The following LRP2 variants were observed in gnomAD, a reference collection of about 807,000 sequenced individuals.
LRP2 encodes the protein LDL receptor related protein 2.
LRP2 carries 172 observed loss-of-function variants against 531.0 expected under a neutral mutation model. The ratio of observed to expected loss-of-function variants is 0.32; its 90% CI spans 0.29 to 0.37. LRP2 has a LOEUF of 0.37. Among genes scored for constraint, LRP2 ranks in the 10% least tolerant of loss-of-function variants. The probability of loss-of-function intolerance (pLI) is 1.00; values close to 1 mark genes in which losing one functional copy is unlikely to be tolerated. For synonymous variants in LRP2, 1,992 were observed against 2,027.6 expected (o/e 0.98, Z 0.47); for missense variants, 5,167 against 5,868.3 (o/e 0.88, Z 3.90).
intron 19 of LRP2, among the ~76,000 whole-genome samples, chr2:169,248,275 C>T (rs1257737473): frequency 6.6e-6 from 1 of 152,226 alleles, no homozygotes; most frequent in African/African-American, 2.4e-5. Flanking sequence ...AGAATTGCAT[C>T]AATGTGGATT....
At chr2:169,349,663 G>T (rs1685791709) in intron 1 of LRP2, among the ~76,000 whole-genome samples, 3 of 152,132 alleles carry the variant, frequency 2.0e-5, no homozygotes, top group Admixed American at 2.0e-4. Context: ...CCTGCCCAAG[G>T]TCGTGTCCTT....
At chr2:169,309,667 A>G (rs1394691881) in intron 3 of LRP2, among the ~76,000 whole-genome samples, 1 of 152,150 alleles carries the variant, frequency 6.6e-6, no homozygotes, top group East Asian at 1.9e-4. Flanking sequence ...TGATGCCTCC[A>G]GCTTTGTTCT....
chr2:169,307,416 A>T lies in LRP2; in HGVS notation c.311-19T>A. ...CTTTGTGCTGCGAAGAGAAAAAATT[A>T]TTACTTAATTTATAATTATTGCTAG... On this transcript the variant is annotated intron_variant, in intron 3 of 78. Transcript: ENST00000649046. 7.5e-7 allele frequency: 1 copy of T among 1,338,960 alleles called. No homozygotes were observed. The highest frequency in any genetic ancestry group is 1.1e-6 in the Non-Finnish European group (1 of 929,442). The allele number at this position is 1,338,960 out of a possible 1,614,324, so 82.9% of individuals were successfully genotyped here. A position where few individuals can be genotyped will look rare whatever the true frequency, so the allele number is the denominator to read the frequency against.
intron 22 of LRP2, among the ~76,000 whole-genome samples, chr2:169,244,155 G>T (rs1040044933): frequency 2.0e-5 from 3 of 152,168 alleles, no homozygotes; most frequent in Non-Finnish European, 4.4e-5. Flanking sequence ...CTAGAACTTA[G>T]CCCAGGGAAC....
intron 48 of LRP2, among the ~76,000 whole-genome samples, chr2:169,188,492 G>T (rs1330028122): frequency 6.6e-6 from 1 of 152,102 alleles, no homozygotes; most frequent in African/African-American, 2.4e-5. Context: ...TTCCTCAGGG[G>T]CTGGCTGCTA....
At chr2:169,265,870 A>G (rs1690778013) in intron 16 of LRP2, among the ~76,000 whole-genome samples, 1 of 152,056 alleles carries the variant, frequency 6.6e-6, no homozygotes, top group Non-Finnish European at 1.5e-5. Context: ...GCACCAGGCC[A>G]GAGAAAAACA....
rs760623978 is a variant in LRP2 at position 169,137,409 on chromosome 2, CT to C, written c.13602del (p.Val4535TrpfsTer7). On this transcript the variant is annotated frameshift_variant, in exon 76 of 79. Transcript: ENST00000649046. LOFTEE classifies it high-confidence loss of function. ...PMYSARDSAV[K>X]VVQPIQVTVS... Reference sequence around the variant, plus strand: ...TTTCTCACCTGGATTGGCTGAACCACTTTGACAGCACTGTCTCTGGCTGAGT... The same window carrying C: ...TTTCTCACCTGGATTGGCTGAACCACTTGACAGCACTGTCTCTGGCTGAGT... The C allele has an allele frequency of 1.2e-6, 2 of 1,613,640 alleles. No individual in the cohort carries two copies. Among genetic ancestry groups the C allele is most frequent in the Admixed American group, 3.3e-5 (2 of 60,022 alleles).
intron 63 of LRP2, 64 bp from the exon 64 acceptor site, chr2:169,157,566 C>G: frequency 1.3e-6 from 2 of 1,586,526 alleles, no homozygotes; most frequent in African/African-American, 2.7e-5. Flanking sequence ...AGTGGTGTAT[C>G]AAAAGAAGCA....
chr2:169,242,324 T>C (rs192422500), intron 24 of LRP2, among the ~76,000 whole-genome samples: 3 of 152,346 alleles, frequency 2.0e-5, no homozygotes, highest in Admixed American at 1.3e-4. Context: ...CTGTGAAGAT[T>C]ATAGATCCAT....
chr2:169,345,142 C>T (rs1037822611), intron 1 of LRP2, among the ~76,000 whole-genome samples: 1 of 152,180 alleles, frequency 6.6e-6, no homozygotes, highest in African/African-American at 2.4e-5. Flanking sequence ...ATCAACTAAT[C>T]ATTTCCCAGG....
chr2:169,340,971 G>A (rs1685546434), intron 1 of LRP2, among the ~76,000 whole-genome samples: 1 of 152,068 alleles, frequency 6.6e-6, no homozygotes, highest in Non-Finnish European at 1.5e-5. Flanking sequence ...AGCATCAGTG[G>A]TCCTGTTCTA....
At chr2:169,176,699 A>G (rs563283701) in intron 53 of LRP2, 111 bp from the exon 54 acceptor site, 2 of 931,274 alleles carry the variant, frequency 2.1e-6, no homozygotes, top group African/African-American at 3.2e-5. Context: ...GTAAAAAAAA[A>G]ACTATCCTAG....
chr2:169,139,739 T>G, intron 72 of LRP2, 129 bp from the exon 73 acceptor site: 2 of 822,230 alleles, frequency 2.4e-6, no homozygotes, highest in Non-Finnish European at 4.2e-6. Context: ...CAATGTATCC[T>G]GCATGACTTT....
At chr2:169,138,840 C>A (rs765268027) in intron 74 of LRP2, 134 bp from the exon 75 acceptor site, 14 of 1,020,768 alleles carry the variant, frequency 1.4e-5, no homozygotes, top group Non-Finnish European at 2.1e-5. Context: ...TCAATTCCCA[C>A]TCTAAATTTA....
At chr2:169,269,756 G>A (rs1683348646) in intron 16 of LRP2, among the ~76,000 whole-genome samples, 1 of 152,122 alleles carries the variant, frequency 6.6e-6, no homozygotes, top group Non-Finnish European at 1.5e-5. Flanking sequence ...TTGACAAATG[G>A]GATCTAATTA....
intron 48 of LRP2, among the ~76,000 whole-genome samples, chr2:169,188,642 C>A (rs769568784): frequency 6.6e-6 from 1 of 152,114 alleles, no homozygotes; most frequent in Non-Finnish European, 1.5e-5. Flanking sequence ...TTTTGGTATA[C>A]ATCAGATCTA....
chr2:169,172,400 C>T (rs528497466), intron 57 of LRP2, among the ~76,000 whole-genome samples: 109 of 152,238 alleles, frequency 7.2e-4, no homozygotes, highest in African/African-American at 2.4e-3. Context: ...GCAACAAAGG[C>T]CTGGTATGGG....
intron 14 of LRP2, among the ~76,000 whole-genome samples, chr2:169,274,410 T>A (rs1683499041): frequency 6.6e-6 from 1 of 151,924 alleles, no homozygotes; most frequent in Admixed American, 6.6e-5. Context: ...ATAGTGGAAA[T>A]CCCATCTCAG....
At chr2:169,187,259 T>A (rs1219777324) in intron 49 of LRP2, among the ~76,000 whole-genome samples, 7 of 152,194 alleles carry the variant, frequency 4.6e-5, no homozygotes, top group African/African-American at 1.7e-4. Flanking sequence ...TTCATATAAA[T>A]CTTATCTTTC....
Sources: allele counts gnomAD v4.1 joint callset (sites outside exome capture counted in the v4.1 genomes callset), GRCh38; gene constraint gnomAD v4.1.1; transcripts MANE v1.5; gene names NCBI Gene and HGNC (gene_info 2026-07-23, HGNC 2026-07-21).